The following DPF1 variants were observed in gnomAD, a reference collection of about 807,000 sequenced individuals.
DPF1 encodes zinc finger protein neuro-d4.
DPF1 carries 14 observed loss-of-function variants against 58.7 expected under a neutral mutation model. That is an observed-to-expected ratio of 0.24 (90% CI 0.16 to 0.37). DPF1 has a LOEUF of 0.37. DPF1 is among the 10% of genes least tolerant of loss of function. The pLI, the probability that DPF1 is intolerant of heterozygous loss-of-function variation, is 1.00. For missense variants in DPF1, 345 were observed against 529.9 expected, an observed-to-expected ratio of 0.65 and a Z score of 3.43; for synonymous variants, 216 against 216.0, an observed-to-expected ratio of 1.00 and a Z score of 0.00.
chr19:38,216,437 C>T, intron 7 of DPF1, 34 bp from the exon 8 acceptor site: 1 of 1,551,082 alleles, frequency 6.4e-7, no homozygotes. Flanking sequence ...GGGACTCTCA[C>T]CACAGGCAAG....
At chr19:38,214,645 C>CTTT (rs1491519536) in intron 9 of DPF1, among the ~76,000 whole-genome samples, 1 of 152,084 alleles carries the variant, frequency 6.6e-6, no homozygotes, top group African/African-American at 2.4e-5. Context: ...GCCTTGGCCC[C>CTTT]TGTCTCTTGC....
upstream of DPF1, among the ~76,000 whole-genome samples, chr19:38,225,555 C>T (rs1433852512): frequency 4.6e-5 from 7 of 151,258 alleles, no homozygotes; most frequent in African/African-American, 7.3e-5. Flanking sequence ...GGTGGCAGAG[C>T]GAGACTCTGT....
intron 9 of DPF1, 43 bp downstream of exon 9, chr19:38,216,097 C>T (rs768300985): frequency 6.3e-7 from 1 of 1,580,752 alleles, no homozygotes; most frequent in South Asian, 1.2e-5. Flanking sequence ...TCCTGAATGT[C>T]CTCTGCACCC....
At chr19:38,216,591 T>A (rs568446087) in intron 7 of DPF1, 188 bp from the exon 8 acceptor site, 67 of 577,460 alleles carry the variant, frequency 1.2e-4, no homozygotes, top group African/African-American at 1.0e-3. Context: ...CCTTTTTAAA[T>A]TTTTTTTTCA....
chr19:38,219,095 T>C (rs1322445130), intron 3 of DPF1, 37 bp from the exon 4 acceptor site: 10 of 1,610,368 alleles, frequency 6.2e-6, no homozygotes, highest in East Asian at 2.2e-5. Flanking sequence ...GATGGGGAAG[T>C]TGACCCCGGA....
upstream of DPF1, among the ~76,000 whole-genome samples, chr19:38,224,518 C>G (rs1427885850): frequency 6.6e-6 from 1 of 152,194 alleles, no homozygotes; most frequent in Admixed American, 6.5e-5. This position sits in a 1 kb window ranked among gnomAD's most constrained non-coding sequence, Gnocchi z 4.5. Flanking sequence ...CTCCCACACA[C>G]TCCTACTCAC....
chr19:38,217,019 G>A (rs1196874215), intron 7 of DPF1, among the ~76,000 whole-genome samples: 1 of 152,192 alleles, frequency 6.6e-6, no homozygotes, highest in Non-Finnish European at 1.5e-5. Context: ...AGATAGGTGG[G>A]AAGACAGTGT....
chr19:38,228,266 A>G (rs1600297725), upstream of DPF1, among the ~76,000 whole-genome samples: 1 of 146,908 alleles, frequency 6.8e-6, no homozygotes, highest in Non-Finnish European at 1.5e-5. Flanking sequence ...TCCTCTCCCA[A>G]CTCCCACCCT....
At position 38,222,391 on chromosome 19, in the gene DPF1, C is replaced by T. The variant is rs1187512708; in HGVS notation, c.264G>A (p.Glu88=). 1.3e-6 allele frequency: 2 copies of T among 1,589,298 alleles called. No individual in the cohort carries two copies. The highest frequency in any genetic ancestry group is 3.8e-5 in the Admixed American group (2 of 52,146). ...WRKKRRLNIL[E]DPRLRPCEYK... Reference sequence around the variant, plus strand: ...ACTCGCAGGGCCTGAGTCTGGGGTCCTCCAGGATGTTGAGTCTCCGTTTCT... The same window carrying T: ...ACTCGCAGGGCCTGAGTCTGGGGTCTTCCAGGATGTTGAGTCTCCGTTTCT... The change falls in exon 3 of 12, where the codon GAG becomes GAA. Residue 88 remains glutamate, a synonymous_variant. Coordinates refer to ENST00000355526, the MANE Select transcript of DPF1 (RefSeq NM_001135155.3). This position sits in a 1 kb window ranked among gnomAD's most constrained non-coding sequence, Gnocchi z 4.9.
Position 38,229,324 on chromosome 19 carries a change from A to G in DPF1, c.-132+235T>C, listed in dbSNP as rs189676808. ...CTCCGCCACCCCCAGCCCGCGCCGCATTCCTTCACTGACAGCGACAAAGAA... is the reference window on the plus strand; with the variant it reads ...CTCCGCCACCCCCAGCCCGCGCCGCGTTCCTTCACTGACAGCGACAAAGAA... On this transcript the variant is annotated intron_variant, in intron 1 of 11. Coordinates refer to the DPF1 transcript ENST00000412732. The surrounding 1 kb of genome is among the most constrained non-coding windows in gnomAD (Gnocchi z 5.3). 5.4e-4 allele frequency among the ~76,000 whole-genome samples: 82 copies of G among 151,822 alleles called. No individual in the cohort carries two copies. Among genetic ancestry groups the G allele is most frequent in the African/African-American group, 1.6e-3 (66 of 41,448 alleles).
chr19:38,223,043 G>C (rs1412754830), intron 1 of DPF1: 7 of 325,370 alleles, frequency 2.2e-5, no homozygotes, highest in Admixed American at 4.9e-5. Flanking sequence ...CACACAAAGA[G>C]AGACAAATCC....
At chr19:38,226,261 C>T (rs901309554), upstream of DPF1, among the ~76,000 whole-genome samples, 2 of 143,634 alleles carry the variant, frequency 1.4e-5, no homozygotes, top group Non-Finnish European at 3.0e-5. Context: ...TCTCACCCCT[C>T]CTCCCCCTTT....
Position 38,222,074 on chromosome 19 carries a change from G to A in DPF1, c.298+283C>T, listed in dbSNP as rs1300875401. 6.6e-6 allele frequency among the ~76,000 whole-genome samples: 1 copy of A among 151,458 alleles called. No individual in the cohort carries two copies. The highest frequency in any genetic ancestry group is 1.5e-5 in the Non-Finnish European group (1 of 67,890). Reference sequence around the variant, plus strand: ...AGGTTGGGGGATCACGCCATTGCACGCCAGCCTGGGTGAAACTCTGTCTCA... The same window carrying A: ...AGGTTGGGGGATCACGCCATTGCACACCAGCCTGGGTGAAACTCTGTCTCA... On this transcript the variant is annotated intron_variant, in intron 3 of 11. Transcript: ENST00000355526. This position sits in a 1 kb window ranked among gnomAD's most constrained non-coding sequence, Gnocchi z 4.9.
At chr19:38,226,139 A>G (rs143706782), upstream of DPF1, among the ~76,000 whole-genome samples, 707 of 151,660 alleles carry the variant, frequency 4.7e-3, 8 homozygotes, top group African/African-American at 0.016. Context: ...TCTCTCTCCC[A>G]CTGTCACCCA....
At position 38,229,498 on chromosome 19, in the gene DPF1, CG is replaced by C; in HGVS notation, c.-132+60del. On this transcript the variant is annotated intron_variant, in intron 1 of 11. Transcript: ENST00000412732. The surrounding 1 kb of genome is among the most constrained non-coding windows in gnomAD (Gnocchi z 5.3). The stretch of plus-strand genomic sequence containing the variant: ...TCCCCCTCCTCAGCCCCAGGGCGGG[CG>C]GGGGAAGGGCTCCTGGTGGGGGGGT... 2.5e-6 allele frequency: 2 copies of C among 801,060 alleles called. No homozygotes were observed. Among genetic ancestry groups the C allele is most frequent in the Non-Finnish European group, 3.0e-6 (2 of 671,542 alleles). 49.6% of individuals were successfully genotyped at this position (801,060 alleles called of 1,614,324 possible). A position where few individuals can be genotyped will look rare whatever the true frequency, so the allele number is the denominator to read the frequency against.
At position 38,217,892 on chromosome 19, in the gene DPF1, GGAGT is replaced by G. The variant is rs763154668; in HGVS notation, c.517-20_517-17del. ...TGCCATATGCCTGTGGGGAGAGTCA[GGAGT>G]GAGGGGCCAAGAAAGTGAGAAAACA... On this transcript the variant is annotated splice_polypyrimidine_tract_variant and intron_variant, in intron 5 of 11. Coordinates refer to ENST00000355526, the MANE Select transcript of DPF1 (RefSeq NM_001135155.3). 1 of 1,613,908 alleles carries G rather than the reference GGAGT, an allele frequency of 6.2e-7. No individual in the cohort carries two copies. The highest frequency in any genetic ancestry group is 8.5e-7 in the Non-Finnish European group (1 of 1,179,906).
chr19:38,223,974 ACT>A, intron 1 of DPF1, 138 bp downstream of exon 1: 2 of 1,159,296 alleles, frequency 1.7e-6, no homozygotes, highest in Admixed American at 4.2e-5. Context: ...ACAGTCACAC[ACT>A]CTCGCACCCC....
rs376903266 is a variant in DPF1, at chr19:38,213,623, C to T, written c.1011+21G>A. ...CAGGCGGGGCGGGCAGCAGGGCACG[C>T]GGGGGGCGGGCGGCACTCACGTCGT... On this transcript the variant is annotated intron_variant, in intron 10 of 11. Coordinates refer to ENST00000355526, the MANE Select transcript of DPF1 (RefSeq NM_001135155.3). 277 of 1,602,256 alleles carry T rather than the reference C, an allele frequency of 1.7e-4. No individual in the cohort carries two copies. The African/African-American group carries it at 3.1e-3, about 18-fold the overall frequency.
At position 38,217,442 on chromosome 19, in the gene DPF1, C is replaced by A. The variant is rs576425865; in HGVS notation, c.727+18G>T. The A allele has an allele frequency of 1.2e-4, 186 of 1,549,266 alleles. No homozygotes were observed. In the African/African-American group the frequency reaches 2.3e-3, roughly 19 times the overall value. On this transcript the variant is annotated intron_variant, in intron 7 of 11. Transcript: ENST00000355526. ...CTCCCAGGGCCCCTGGCCACCCCCA[C>A]CTGGCCTGCCAGCTCACGTTTATGG...
Sources: allele counts gnomAD v4.1 joint callset (sites outside exome capture counted in the v4.1 genomes callset), GRCh38; gene constraint gnomAD v4.1.1; non-coding constraint Gnocchi (gnomAD v3.1); transcripts MANE v1.5; gene names NCBI Gene and HGNC (gene_info 2026-07-23, HGNC 2026-07-21).